Variants in GLUD1 observed in about 807,000 individuals in gnomAD.
The protein encoded by GLUD1 is glutamate dehydrogenase 1.
GLUD1 carries 22 observed loss-of-function variants against 56.0 expected under a neutral mutation model. The ratio of observed to expected loss-of-function variants is 0.39; its 90% CI spans 0.28 to 0.56. GLUD1 has a LOEUF of 0.56. GLUD1 is among the 20% of genes least tolerant of loss of function. The pLI is 0.58. For synonymous variants in GLUD1, 223 were observed against 269.9 expected (o/e 0.83, Z 1.70); for missense variants, 451 against 732.0 (o/e 0.62, Z 4.43).
chr10:87,053,218 C>T, intron 12 of GLUD1, 124 bp downstream of exon 12: 1 of 738,486 alleles, frequency 1.4e-6, no homozygotes, highest in Non-Finnish European at 2.5e-6. Context: ...TTGCTACACA[C>T]AAATGAGGAC....
chr10:87,060,616 C>T, intron 8 of GLUD1, 72 bp downstream of exon 8: 1 of 1,566,970 alleles, frequency 6.4e-7, no homozygotes, highest in Non-Finnish European at 8.8e-7. Flanking sequence ...AAAACTCAAT[C>T]AGACTCTTCT....
chr10:87,082,345 TCCGCTGGATG>T (rs1841283473), intron 1 of GLUD1, among the ~76,000 whole-genome samples: 13 of 152,250 alleles, frequency 8.5e-5, no homozygotes, highest in Admixed American at 8.5e-4. Flanking sequence ...AAAGACATGT[TCCGCTGGATG>T]GAACCCAGGA....
intron 10 of GLUD1, 40 bp from the exon 11 acceptor site, chr10:87,057,822 A>G (rs1457620734): frequency 4.6e-5 from 6 of 131,606 alleles, no homozygotes; most frequent in Non-Finnish European, 7.1e-5. Context: ...TTGCTAACAG[A>G]AAAAAAAAAA....
At chr10:87,058,417 T>G (rs1845843967) in intron 10 of GLUD1, among the ~76,000 whole-genome samples, 1 of 152,294 alleles carries the variant, frequency 6.6e-6, no homozygotes, top group South Asian at 2.1e-4. Context: ...GTAGGAGGTC[T>G]TGGTCTTATT....
intron 12 of GLUD1, among the ~76,000 whole-genome samples, chr10:87,052,668 T>TTAAAAAAA (rs1285140190): frequency 1.2e-4 from 2 of 16,568 alleles, no homozygotes; most frequent in African/African-American, 2.6e-4. Context: ...AAACTCCGTC[T>TTAAAAAAA]CAAAAAAAAA....
intron 11 of GLUD1, among the ~76,000 whole-genome samples, chr10:87,054,757 G>A (rs978606015): frequency 2.6e-5 from 4 of 152,206 alleles, no homozygotes; most frequent in African/African-American, 9.6e-5. Context: ...GTAAGCTGAG[G>A]GGAATGACTC....
intron 1 of GLUD1, among the ~76,000 whole-genome samples, chr10:87,080,826 C>T (rs531895680): frequency 2.6e-5 from 4 of 151,556 alleles, no homozygotes; most frequent in African/African-American, 7.3e-5. Context: ...GCCCGGCAGC[C>T]GACCTGTCCG....
intron 1 of GLUD1, among the ~76,000 whole-genome samples, chr10:87,087,277 ACCACCCTACC>A (rs1841405900): frequency 6.6e-6 from 1 of 152,164 alleles, no homozygotes; most frequent in South Asian, 2.1e-4. Flanking sequence ...TTTGGAGGGT[ACCACCCTACC>A]CATACATGGA....
At chr10:87,082,832 C>T (rs1841293196) in intron 1 of GLUD1, among the ~76,000 whole-genome samples, 1 of 152,216 alleles carries the variant, frequency 6.6e-6, no homozygotes, top group African/African-American at 2.4e-5. Flanking sequence ...AATGTACCCA[C>T]ACACAGAAGA....
chr10:87,081,455 GCTCA>G (rs1443868029), intron 1 of GLUD1, among the ~76,000 whole-genome samples: 3 of 152,252 alleles, frequency 2.0e-5, no homozygotes. Flanking sequence ...GTGCCCAACA[GCTCA>G]CTGAGAACGG....
intron 1 of GLUD1, among the ~76,000 whole-genome samples, chr10:87,081,944 TAC>T (rs1841267131): frequency 1.1e-4 from 3 of 27,264 alleles, no homozygotes; most frequent in Admixed American, 4.4e-4. Flanking sequence ...GAATGATCAA[TAC>T]AAAAAAAAAA....
At chr10:87,092,714 A>G (rs1841541639) in intron 1 of GLUD1, 1 of 365,096 alleles carries the variant, frequency 2.7e-6, no homozygotes, top group African/African-American at 2.2e-5. Context: ...AACCACATAC[A>G]CTGATTTATC....
At chr10:87,065,845 T>C (rs1846062173) in intron 5 of GLUD1, among the ~76,000 whole-genome samples, 1 of 152,192 alleles carries the variant, frequency 6.6e-6, no homozygotes, top group South Asian at 2.1e-4. Context: ...TCATTTTGCA[T>C]AGGAGGAAAT....
Position 87,094,626 on chromosome 10 carries a change from G to T in GLUD1, c.144C>A (p.Ala48=), listed in dbSNP as rs1461875403. ...AAAPQPGLAL[A]ARRHYSEAVA... The stretch of plus-strand genomic sequence containing the variant: ...CCGCCTCGCTGTAGTGGCGCCGGGC[G>T]GCCAATGCCAGCCCCGGCTGCGGGG... Residue 48 remains alanine (A), a synonymous_variant, in exon 1 of 13, where the codon GCC becomes GCA. Coordinates refer to ENST00000277865, the MANE Select transcript of GLUD1 (RefSeq NM_005271.5). The surrounding 1 kb of genome is among the most constrained non-coding windows in gnomAD (Gnocchi z 6.6). 6.2e-7 allele frequency: 1 copy of T among 1,608,774 alleles called. No individual in the cohort carries two copies. The highest frequency in any genetic ancestry group is 8.5e-7 in the Non-Finnish European group (1 of 1,178,856).
At chr10:87,085,072 T>C (rs1841349293) in intron 1 of GLUD1, among the ~76,000 whole-genome samples, 1 of 152,068 alleles carries the variant, frequency 6.6e-6, no homozygotes, top group Non-Finnish European at 1.5e-5. Context: ...AGGCTGGGCG[T>C]GGTGGCTCAC....
At chr10:87,087,006 G>C (rs912644589) in intron 1 of GLUD1, among the ~76,000 whole-genome samples, 4 of 151,998 alleles carry the variant, frequency 2.6e-5, no homozygotes, top group Admixed American at 6.6e-5. Context: ...ACAGCTCAAG[G>C]GCTCAGTCGC....
intron 1 of GLUD1, among the ~76,000 whole-genome samples, chr10:87,093,032 C>G (rs1442785625): frequency 6.6e-6 from 1 of 152,212 alleles, no homozygotes; most frequent in Non-Finnish European, 1.5e-5. Flanking sequence ...GCAACCAGAG[C>G]TAGGGGATAA....
At chr10:87,081,036 C>A (rs1463452229) in intron 1 of GLUD1, among the ~76,000 whole-genome samples, 1 of 118,436 alleles carries the variant, frequency 8.4e-6, no homozygotes, top group East Asian at 2.6e-4. Context: ...CAGCCCCCCG[C>A]CCGGCCAGCC....
intron 9 of GLUD1, among the ~76,000 whole-genome samples, 174 bp downstream of exon 9, chr10:87,059,987 G>A (rs111600421): frequency 0.026 from 3,890 of 152,298 alleles, 76 homozygotes; most frequent in Middle Eastern, 0.041. Context: ...TTCGATCAAA[G>A]TGAAAATTAA....
Sources: gnomAD v4.1 joint callset for allele counts (sites outside exome capture counted in the v4.1 genomes callset) on GRCh38, gnomAD v4.1.1 for gene constraint, Gnocchi (gnomAD v3.1) non-coding constraint, MANE v1.5 for transcripts, NCBI Gene and HGNC (gene_info 2026-07-23, HGNC 2026-07-21) for gene names.